The following TTLL11 variants were observed in gnomAD, a reference collection of about 807,000 sequenced individuals.
The protein encoded by TTLL11 is tubulin tyrosine ligase like 11, also known as tubulin polyglutamylase TTLL11.
In TTLL11, 42 loss-of-function variants were observed where a neutral mutation model predicts 51.7. The ratio of observed to expected loss-of-function variants is 0.81; its 90% CI spans 0.64 to 1.05. The LOEUF (loss-of-function observed/expected upper bound fraction) is 1.05, where lower values mean the gene tolerates loss of function less well. Ranked by LOEUF, TTLL11 falls within the 50% of genes least tolerant of loss-of-function variation. The pLI, the probability that TTLL11 is intolerant of heterozygous loss-of-function variation, is 0.00. For synonymous variants in TTLL11, 381 were observed against 383.5 expected (o/e 0.99, Z 0.08); for missense variants, 799 against 940.4 (o/e 0.85, Z 1.97).
intron 2 of TTLL11, among the ~76,000 whole-genome samples, chr9:122,037,670 T>C (rs1341970700): frequency 2.0e-5 from 3 of 152,222 alleles, no homozygotes; most frequent in African/African-American, 7.2e-5. Context: ...GAAAGACTCA[T>C]ATCCACCAAT....
intron 6 of TTLL11, 148 bp from the exon 7 acceptor site, chr9:121,870,896 G>C (rs1435695589): frequency 2.2e-6 from 2 of 899,520 alleles, no homozygotes; most frequent in Non-Finnish European, 3.2e-6. Context: ...ACCTGCCCAA[G>C]CTCACACAGC....
chr9:121,835,435 A>G (rs945537809), intron 8 of TTLL11, among the ~76,000 whole-genome samples: 5 of 152,134 alleles, frequency 3.3e-5, no homozygotes, highest in Non-Finnish European at 7.4e-5. Flanking sequence ...AATCTCAAGG[A>G]AAAAAGCCTT....
At chr9:121,901,514 C>T (rs1839773538) in intron 6 of TTLL11, among the ~76,000 whole-genome samples, 1 of 152,118 alleles carries the variant, frequency 6.6e-6, no homozygotes, top group South Asian at 2.1e-4. Context: ...TTCTGTTTTT[C>T]AAGTCACACA....
At chr9:121,826,557 G>GTGTGTATATATATATATATATATA (rs1189626793) in intron 8 of TTLL11, among the ~76,000 whole-genome samples, 5 of 51,346 alleles carry the variant, frequency 9.7e-5, no homozygotes, top group African/African-American at 3.5e-4. Flanking sequence ...ATATGTGTGT[G>GTGTGTATATATATATATATATATA]TATATATATA....
chr9:121,839,007 A>G (rs988999853), intron 8 of TTLL11, among the ~76,000 whole-genome samples: 1 of 152,164 alleles, frequency 6.6e-6, no homozygotes. Context: ...TGCTCCCCGC[A>G]TTCCCACCTT....
intron 3 of TTLL11, among the ~76,000 whole-genome samples, chr9:122,018,270 G>A (rs539748860): frequency 7.2e-5 from 11 of 151,916 alleles, no homozygotes; most frequent in South Asian, 4.2e-4. Context: ...CCGCCACCAC[G>A]CCTGGCTAAT....
At chr9:121,927,612 G>A (rs994157061) in intron 6 of TTLL11, among the ~76,000 whole-genome samples, 1 of 142,888 alleles carries the variant, frequency 7.0e-6, no homozygotes, top group African/African-American at 2.6e-5. Flanking sequence ...AATATCACAA[G>A]AGCACAGAAG....
intron 4 of TTLL11, among the ~76,000 whole-genome samples, chr9:121,986,999 T>C (rs1367780397): frequency 1.3e-5 from 2 of 152,120 alleles, no homozygotes; most frequent in East Asian, 3.9e-4. Context: ...GGAAACCTTA[T>C]GTGTAGTGGA....
At chr9:121,912,620 T>C (rs1213513814) in intron 6 of TTLL11, among the ~76,000 whole-genome samples, 1 of 152,116 alleles carries the variant, frequency 6.6e-6, no homozygotes, top group African/African-American at 2.4e-5. Context: ...CTAAATTGTG[T>C]CTGTCTCAAT....
At chr9:121,939,781 C>T (rs1327991549) in intron 6 of TTLL11, among the ~76,000 whole-genome samples, 3 of 152,110 alleles carry the variant, frequency 2.0e-5, no homozygotes, top group African/African-American at 7.2e-5. Context: ...CATCGTACCC[C>T]ATTTCCTGCA....
At chr9:122,056,477 G>GT (rs1475451482) in intron 1 of TTLL11, among the ~76,000 whole-genome samples, 16 of 152,076 alleles carry the variant, frequency 1.1e-4, no homozygotes, top group African/African-American at 3.9e-4. Context: ...TAAATAACTG[G>GT]TTTATTTAAC....
chr9:122,059,651 C>T (rs1339638219), intron 1 of TTLL11, among the ~76,000 whole-genome samples: 3 of 152,120 alleles, frequency 2.0e-5, no homozygotes, highest in Admixed American at 6.5e-5. Flanking sequence ...TATTGCTGCA[C>T]AAAAAAATTA....
chr9:121,832,948 C>CA (rs1298574159), intron 8 of TTLL11, among the ~76,000 whole-genome samples: 1 of 151,964 alleles, frequency 6.6e-6, no homozygotes, highest in Non-Finnish European at 1.5e-5. Flanking sequence ...TCAAACAAAA[C>CA]AAAAAACAGA....
chr9:121,878,030 G>A lies in TTLL11; in HGVS notation c.1482-7282C>T, dbSNP rs189179819. Reference sequence around the variant, plus strand: ...TGATGAGAAAAGTGAGCTTCAGAGAGGTTAACCTACTTTCCTAAGGTGGCT... The same window carrying A: ...TGATGAGAAAAGTGAGCTTCAGAGAAGTTAACCTACTTTCCTAAGGTGGCT... On this transcript the variant is annotated intron_variant, in intron 6 of 8. Coordinates refer to ENST00000321582, the MANE Select transcript of TTLL11 (RefSeq NM_001139442.2). 3.0e-4 allele frequency among the ~76,000 whole-genome samples: 45 copies of A among 152,306 alleles called. 1 individual carries two copies. Among genetic ancestry groups the A allele is most frequent in the Admixed American group, 1.2e-3 (19 of 15,292 alleles).
At chr9:121,886,856 C>A (rs1360083500) in intron 6 of TTLL11, among the ~76,000 whole-genome samples, 4 of 152,210 alleles carry the variant, frequency 2.6e-5, no homozygotes, top group Non-Finnish European at 5.9e-5. Flanking sequence ...CAAGGCACAC[C>A]TGGCTGACTG....
At chr9:121,958,594 C>T (rs1178281204) in intron 6 of TTLL11, among the ~76,000 whole-genome samples, 1 of 152,284 alleles carries the variant, frequency 6.6e-6, no homozygotes, top group South Asian at 2.1e-4. Flanking sequence ...GAAACAGAGG[C>T]TTCAGCTAGT....
At chr9:121,984,077 G>A (rs1219675182) in intron 4 of TTLL11, among the ~76,000 whole-genome samples, 1 of 152,162 alleles carries the variant, frequency 6.6e-6, no homozygotes, top group African/African-American at 2.4e-5. Flanking sequence ...GCAGCAATGG[G>A]AAAGCACAAA....
Position 121,989,306 on chromosome 9 carries a change from C to T in TTLL11, c.1158G>A (p.Trp386Ter). 6.2e-7 allele frequency: 1 copy of T among 1,614,156 alleles called. No homozygotes were observed. Among genetic ancestry groups the T allele is most frequent in the South Asian group, 1.1e-5 (1 of 91,076 alleles). Reference sequence around the variant, plus strand: ...TAATCACCACGGAGATGATGTCAGACCAGACCTTCTTGATGTCAACGCCTT... The same window carrying T: ...TAATCACCACGGAGATGATGTCAGATCAGACCTTCTTGATGTCAACGCCTT... ...SSKGVDIKKV[W>*]SDIISVVIKT... The change falls in exon 4 of 9, where the codon TGG becomes TGA. Residue 386 changes from tryptophan to a stop codon, truncating the protein, a stop_gained. Coordinates refer to ENST00000321582, the MANE Select transcript of TTLL11 (RefSeq NM_001139442.2). LOFTEE classifies it high-confidence loss of function. The surrounding 1 kb of genome is among the most constrained non-coding windows in gnomAD (Gnocchi z 4.2).
chr9:122,029,945 C>T (rs371816978), intron 3 of TTLL11, among the ~76,000 whole-genome samples: 1 of 152,092 alleles, frequency 6.6e-6, no homozygotes, highest in African/African-American at 2.4e-5. Flanking sequence ...ATATTAAGTC[C>T]AGTACCATGC....
Sources: allele counts gnomAD v4.1 joint callset (sites outside exome capture counted in the v4.1 genomes callset), GRCh38; gene constraint gnomAD v4.1.1; non-coding constraint Gnocchi (gnomAD v3.1); transcripts MANE v1.5; gene names NCBI Gene and HGNC (gene_info 2026-07-23, HGNC 2026-07-21).